The following ABTB3 variants were observed in gnomAD, a reference collection of about 807,000 sequenced individuals.
ABTB3 encodes ankyrin repeat and BTB domain containing 3, also known as ankyrin repeat- and BTB/POZ domain-containing protein 3.
chr12:107,538,422 GA>G, the ABTB3 span, among the ~76,000 whole-genome samples: 1 of 152,216 alleles, frequency 6.6e-6, no homozygotes, highest in South Asian at 2.1e-4. Context: ...CTGCACACAG[GA>G]AGCACTAGCT....
the ABTB3 span, among the ~76,000 whole-genome samples, chr12:107,603,492 A>G: frequency 3.9e-4 from 59 of 152,292 alleles, no homozygotes; most frequent in African/African-American, 1.3e-3. Flanking sequence ...TCTTCAGTAA[A>G]AGGCTTTGGG....
the ABTB3 span, among the ~76,000 whole-genome samples, chr12:107,464,895 G>C: frequency 6.6e-6 from 1 of 152,030 alleles, no homozygotes. Flanking sequence ...CTAGTGAGTA[G>C]AGGCCAAGGG....
chr12:107,567,893 G>A, the ABTB3 span, among the ~76,000 whole-genome samples: 753 of 152,294 alleles, frequency 4.9e-3, no homozygotes, highest in Non-Finnish European at 8.1e-3. Flanking sequence ...AGTCCCTGGT[G>A]CCAAAAAGAT....
chr12:107,584,056 C>T, the ABTB3 span, among the ~76,000 whole-genome samples: 4 of 152,214 alleles, frequency 2.6e-5, no homozygotes, highest in Non-Finnish European at 5.9e-5. Context: ...AAATTCAGGA[C>T]ATGAAAGGAT....
chr12:107,461,904 T>A, the ABTB3 span, among the ~76,000 whole-genome samples: 141 of 152,154 alleles, frequency 9.3e-4, 1 homozygote, highest in African/African-American at 3.2e-3. Flanking sequence ...AATATGCTGA[T>A]GAATAAATAA....
the ABTB3 span, among the ~76,000 whole-genome samples, chr12:107,343,130 T>C: frequency 6.6e-6 from 1 of 152,162 alleles, no homozygotes; most frequent in African/African-American, 2.4e-5. Flanking sequence ...TCTGCCCATC[T>C]CAGCCTCCCA....
the ABTB3 span, among the ~76,000 whole-genome samples, chr12:107,436,831 A>G: frequency 6.6e-6 from 1 of 152,246 alleles, no homozygotes; most frequent in South Asian, 2.1e-4. Flanking sequence ...ATGTGCAACT[A>G]TTATAGATCA....
the ABTB3 span, among the ~76,000 whole-genome samples, chr12:107,600,130 G>A: frequency 1.3e-5 from 2 of 152,136 alleles, no homozygotes; most frequent in Non-Finnish European, 2.9e-5. Context: ...ATAAAACAGG[G>A]ACATGAAAGC....
chr12:107,340,109 CAATT>C, the ABTB3 span, among the ~76,000 whole-genome samples: 1 of 151,814 alleles, frequency 6.6e-6, no homozygotes, highest in Non-Finnish European at 1.5e-5. Flanking sequence ...CTGAAGTCAA[CAATT>C]AATTATGCTG....
chr12:107,459,891 C>T, the ABTB3 span, among the ~76,000 whole-genome samples: 1 of 152,184 alleles, frequency 6.6e-6, no homozygotes, highest in Admixed American at 6.5e-5. Context: ...GGCCCTCCCG[C>T]CCTGCAGACA....
chr12:107,345,193 G>A, the ABTB3 span, among the ~76,000 whole-genome samples: 1 of 152,128 alleles, frequency 6.6e-6, no homozygotes, highest in Non-Finnish European at 1.5e-5. Context: ...TGAAATATAA[G>A]ATCATGGGCT....
chr12:107,611,275 G>A, the ABTB3 span, among the ~76,000 whole-genome samples: 1 of 151,972 alleles, frequency 6.6e-6, no homozygotes, highest in African/African-American at 2.4e-5. Context: ...TGAACTCTTA[G>A]GCTCAAGAGA....
the ABTB3 span, among the ~76,000 whole-genome samples, chr12:107,654,815 T>TACACACACACACACACAC: frequency 7.1e-4 from 101 of 141,284 alleles, 1 homozygote; most frequent in African/African-American, 2.6e-3. Flanking sequence ...CTACATTGTA[T>TACACACACACACACACAC]ACACACACAC....
the ABTB3 span, among the ~76,000 whole-genome samples, chr12:107,519,312 CTTTTCTTTTTTTCT>C: frequency 6.8e-6 from 1 of 147,890 alleles, no homozygotes; most frequent in Admixed American, 7.0e-5. Flanking sequence ...TTTTTCTTTT[CTTTTCTTTTTTTCT>C]TTTTCTTTTT....
chr12:107,504,181 A>C, the ABTB3 span, among the ~76,000 whole-genome samples: 1 of 152,190 alleles, frequency 6.6e-6, no homozygotes, highest in Non-Finnish European at 1.5e-5. Context: ...ATGGGATTCT[A>C]ATGTTTTTAA....
At chr12:107,613,601 C>T in the ABTB3 span, among the ~76,000 whole-genome samples, 2 of 152,176 alleles carry the variant, frequency 1.3e-5, no homozygotes, top group Non-Finnish European at 2.9e-5. Context: ...GCACCCATCT[C>T]ATATAGTTGT....
the ABTB3 span, among the ~76,000 whole-genome samples, chr12:107,329,058 T>C: frequency 6.6e-6 from 1 of 152,062 alleles, no homozygotes; most frequent in Non-Finnish European, 1.5e-5. Flanking sequence ...GGCTTTATCG[T>C]CTCCAGGGAC....
the ABTB3 span, among the ~76,000 whole-genome samples, chr12:107,384,019 C>T: frequency 1.5e-4 from 23 of 152,104 alleles, no homozygotes; most frequent in African/African-American, 3.6e-4. Context: ...AATGAGCATC[C>T]GGCCCAGGTG....
chr12:107,639,168 G>A, the ABTB3 span, among the ~76,000 whole-genome samples: 2 of 152,204 alleles, frequency 1.3e-5, no homozygotes, highest in East Asian at 3.8e-4. Context: ...AGCCCCAGAG[G>A]GGAGAGAGCA....
Sources: allele counts gnomAD v4.1 joint callset (sites outside exome capture counted in the v4.1 genomes callset), GRCh38; gene constraint gnomAD v4.1.1; transcripts MANE v1.5; gene names NCBI Gene and HGNC (gene_info 2026-07-23, HGNC 2026-07-21).